Variants in CCM2 observed in about 807,000 individuals in gnomAD.
The protein encoded by CCM2 is CCM2 scaffold protein, also known as cerebral cavernous malformations 2 protein.
A neutral mutation model predicts 44.9 loss-of-function variants in CCM2; 25 were observed. That is an observed-to-expected ratio of 0.56 (90% CI 0.41 to 0.78). The LOEUF is 0.78. Ranked by LOEUF, CCM2 falls within the 30% of genes least tolerant of loss-of-function variation. The pLI is 0.00. For synonymous variants in CCM2, 219 were observed against 241.1 expected (o/e 0.91, Z 0.85); for missense variants, 481 against 580.6 (o/e 0.83, Z 1.76).
chr7:45,061,858 C>G (rs1170926654), intron 2 of CCM2, among the ~76,000 whole-genome samples: 1 of 152,156 alleles, frequency 6.6e-6, no homozygotes, highest in Admixed American at 6.5e-5. Context: ...CAGTCTCACC[C>G]TGAGAGCCTG....
intron 2 of CCM2, among the ~76,000 whole-genome samples, chr7:45,045,165 A>G (rs544289647): frequency 2.0e-5 from 3 of 151,566 alleles, no homozygotes; most frequent in South Asian, 2.1e-4. Context: ...TATAGCTGCT[A>G]GGTGCAGCTA....
At position 45,076,116 on chromosome 7, in the gene CCM2, A is replaced by G. The variant is rs1401715707; in HGVS notation, c.*59A>G. Reference sequence around the variant, plus strand: ...GCGCAGTCGTCATAGGCCTTCCCAGAAGGAGCTGCCCAGACCTGCGTGTCA... The same window carrying G: ...GCGCAGTCGTCATAGGCCTTCCCAGGAGGAGCTGCCCAGACCTGCGTGTCA... On this transcript the variant is annotated 3_prime_UTR_variant, in exon 10 of 10. Coordinates refer to ENST00000258781, the MANE Select transcript of CCM2 (RefSeq NM_031443.4). 1.2e-6 allele frequency: 2 copies of G among 1,606,480 alleles called. No individual in the cohort carries two copies. The highest frequency in any genetic ancestry group is 1.7e-5 in the Admixed American group (1 of 59,542).
chr7:45,025,541 T>C (rs939227824), intron 1 of CCM2, among the ~76,000 whole-genome samples: 8 of 151,286 alleles, frequency 5.3e-5, no homozygotes, highest in East Asian at 1.9e-4. Flanking sequence ...TTTCTTTTTT[T>C]TTTTTTTTTG....
chr7:45,043,669 C>G (rs1447368512), intron 2 of CCM2: 1 of 377,916 alleles, frequency 2.6e-6, no homozygotes, highest in Non-Finnish European at 5.0e-6. Context: ...ATTAACATTT[C>G]TTCAAATATT....
chr7:45,017,141 G>C (rs1228369709), intron 1 of CCM2, among the ~76,000 whole-genome samples: 1 of 152,198 alleles, frequency 6.6e-6, no homozygotes, highest in African/African-American at 2.4e-5. Context: ...GTAAACATCT[G>C]TCATGGGGAT....
intron 3 of CCM2, 84 bp downstream of exon 3, chr7:45,064,085 A>G: frequency 1.1e-6 from 1 of 941,910 alleles, no homozygotes; most frequent in Non-Finnish European, 1.7e-6. Context: ...CGTGGCTGTG[A>G]GGAATGAGCC....
intron 1 of CCM2, among the ~76,000 whole-genome samples, chr7:45,011,809 C>T (rs1489150402): frequency 6.6e-6 from 1 of 152,212 alleles, no homozygotes; most frequent in Non-Finnish European, 1.5e-5. Flanking sequence ...GCCTTGGCCT[C>T]TCTAAAAGTG....
chr7:45,067,278 C>T (rs28636402), intron 4 of CCM2, among the ~76,000 whole-genome samples: 19,924 of 150,476 alleles, frequency 0.13, 1,618 homozygotes, highest in Middle Eastern at 0.22. Flanking sequence ...CTGCAATCTC[C>T]GCCCCCCGAG....
At chr7:45,053,890 C>G (rs1798126638) in intron 2 of CCM2, among the ~76,000 whole-genome samples, 1 of 152,190 alleles carries the variant, frequency 6.6e-6, no homozygotes. Flanking sequence ...ATACCTGGAT[C>G]CACTTTGCCA....
Position 45,040,119 on chromosome 7 carries a change from G to C in CCM2, c.204+1693G>C, listed in dbSNP as rs562888791. On this transcript the variant is annotated intron_variant, in intron 2 of 9. Coordinates refer to ENST00000258781, the MANE Select transcript of CCM2 (RefSeq NM_031443.4). The stretch of plus-strand genomic sequence containing the variant: ...AGATAAAAGTAAAAAAAAAGGCCAG[G>C]TGCTGTGGCTCATGCCTGTAATCCC... Among the ~76,000 whole-genome samples, 77 of 152,148 alleles carry C rather than the reference G, an allele frequency of 5.1e-4. 1 individual carries two copies. Among genetic ancestry groups the C allele is most frequent in the African/African-American group, 1.8e-3 (76 of 41,510 alleles).
rs542414649 is a variant in CCM2 at position 45,042,660 on chromosome 7, A to G, written c.204+4234A>G. On this transcript the variant is annotated intron_variant, in intron 2 of 9. Transcript: ENST00000258781. ...CCCTGAGAATCAAAAGGATAATGAGAGAACACAAGCAACTCCACACACAGT... is the reference window on the plus strand; with the variant it reads ...CCCTGAGAATCAAAAGGATAATGAGGGAACACAAGCAACTCCACACACAGT... Among the ~76,000 whole-genome samples, 5 of 152,322 alleles carry G rather than the reference A, an allele frequency of 3.3e-5. No individual in the cohort carries two copies. In the South Asian group the frequency reaches 8.3e-4, roughly 25 times the overall value.
intron 7 of CCM2, 41 bp from the exon 8 acceptor site, chr7:45,073,419 G>A (rs769585006): frequency 7.0e-7 from 1 of 1,431,052 alleles, no homozygotes; most frequent in Non-Finnish European, 9.8e-7. Flanking sequence ...GGGATGGAGG[G>A]TCGGGGAAGC....
intron 1 of CCM2, among the ~76,000 whole-genome samples, chr7:45,012,604 G>T (rs541500538): frequency 1.3e-5 from 2 of 152,184 alleles, no homozygotes; most frequent in African/African-American, 4.8e-5. Context: ...CGCCGAGGCT[G>T]GAGAGCAGTA....
At chr7:45,004,452 G>A (rs1006065820) in intron 1 of CCM2, among the ~76,000 whole-genome samples, 3 of 152,160 alleles carry the variant, frequency 2.0e-5, no homozygotes, top group Admixed American at 6.5e-5. Context: ...AAAAGTGGAG[G>A]GGAAAAGATC....
intron 1 of CCM2, among the ~76,000 whole-genome samples, chr7:45,030,020 A>G (rs1270885558): frequency 2.0e-5 from 3 of 152,196 alleles, no homozygotes; most frequent in African/African-American, 7.2e-5. Context: ...ACAGCGCTGC[A>G]TGGTGACTCA....
intron 2 of CCM2, among the ~76,000 whole-genome samples, chr7:45,062,289 C>T (rs563527249): frequency 6.6e-6 from 1 of 152,186 alleles, no homozygotes; most frequent in African/African-American, 2.4e-5. Flanking sequence ...GTGCAAGAAG[C>T]CTGTTCTTGG....
At chr7:45,066,089 C>A (rs1343856399) in intron 4 of CCM2, among the ~76,000 whole-genome samples, 1 of 152,066 alleles carries the variant, frequency 6.6e-6, no homozygotes, top group East Asian at 1.9e-4. Flanking sequence ...AAATGGATGA[C>A]AGATTTTTTT....
chr7:45,017,599 C>T (rs921315759), intron 1 of CCM2, among the ~76,000 whole-genome samples: 10 of 152,154 alleles, frequency 6.6e-5, no homozygotes, highest in South Asian at 2.1e-4. Flanking sequence ...CTGGCACGGT[C>T]GTAGGTCTTG....
At chr7:45,022,929 C>T (rs1014575655) in intron 1 of CCM2, among the ~76,000 whole-genome samples, 4 of 151,666 alleles carry the variant, frequency 2.6e-5, no homozygotes, top group Admixed American at 1.3e-4. Context: ...TTAGTAGAGA[C>T]GGGGTTTCAC....
Sources: gnomAD v4.1 joint callset for allele counts (sites outside exome capture counted in the v4.1 genomes callset) on GRCh38, gnomAD v4.1.1 for gene constraint, MANE v1.5 for transcripts, NCBI Gene and HGNC (gene_info 2026-07-23, HGNC 2026-07-21) for gene names.